The following ITFG1 variants were observed in gnomAD, a reference collection of about 807,000 sequenced individuals.
The protein encoded by ITFG1 is integrin alpha FG-GAP repeat containing 1, also known as T-cell immunomodulatory protein.
In ITFG1, 34 loss-of-function variants were observed where a neutral mutation model predicts 81.8. That is an observed-to-expected ratio of 0.42 (90% CI 0.32 to 0.55). ITFG1 has a LOEUF of 0.55. Among genes scored for constraint, ITFG1 ranks in the 20% least tolerant of loss-of-function variants. ITFG1 has a pLI of 0.17. For missense variants in ITFG1, 672 were observed against 755.4 expected (o/e 0.89, Z 1.29); for synonymous variants, 285 against 270.6 (o/e 1.05, Z -0.52).
chr16:47,242,533 T>A lies in ITFG1; in HGVS notation c.1331-4525A>T, dbSNP rs375991087. Among the ~76,000 whole-genome samples, 165 of 152,182 alleles carry A rather than the reference T, an allele frequency of 1.1e-3. 7 individuals carry two copies. The South Asian group carries it at 0.033, about 30-fold the overall frequency. On this transcript the variant is annotated intron_variant, in intron 12 of 17. Transcript: ENST00000320640. ...TTAGAAAATAAGAAAGGACAAGGAC[T>A]ATAGATAGAAATAAAGATACAAATG...
At position 47,238,874 on chromosome 16, in the gene ITFG1, G is replaced by T. The variant is rs900650323; in HGVS notation, c.1331-866C>A. On this transcript the variant is annotated intron_variant, in intron 12 of 17. Coordinates refer to ENST00000320640, the MANE Select transcript of ITFG1 (RefSeq NM_030790.5). ...AATATAAATGTTTGACTTAGGCAGGGTGTAATGATTTGAATGTTGCTATCC... is the reference window on the plus strand; with the variant it reads ...AATATAAATGTTTGACTTAGGCAGGTTGTAATGATTTGAATGTTGCTATCC... 5.9e-5 allele frequency among the ~76,000 whole-genome samples: 9 copies of T among 152,146 alleles called. No individual in the cohort carries two copies. The East Asian group carries it at 1.5e-3, about 26-fold the overall frequency.
chr16:47,328,377 C>T (rs1041988877), intron 8 of ITFG1, among the ~76,000 whole-genome samples: 5 of 151,780 alleles, frequency 3.3e-5, no homozygotes, highest in Admixed American at 1.3e-4. Flanking sequence ...TGCTAAGTGA[C>T]GAATTAATGG....
At chr16:47,224,059 CTG>C (rs1184572997) in intron 13 of ITFG1, among the ~76,000 whole-genome samples, 1 of 98,730 alleles carries the variant, frequency 1.0e-5, no homozygotes, top group East Asian at 2.8e-4. Context: ...ACTCTGGGGA[CTG>C]TTGTGGGGTG....
At chr16:47,359,642 C>A (rs1411078973) in intron 8 of ITFG1, among the ~76,000 whole-genome samples, 1 of 152,138 alleles carries the variant, frequency 6.6e-6, no homozygotes, top group East Asian at 1.9e-4. Flanking sequence ...TACCTTTGTC[C>A]ACAAAGCACT....
At position 47,333,779 on chromosome 16, in the gene ITFG1, A is replaced by G. The variant is rs144973174; in HGVS notation, c.803-19956T>C. ...ATAAGACCCGTTTCGTGCTTTAAGG[A>G]ACTGCTCTTTTTACCTTGCTCTTCA... On this transcript the variant is annotated intron_variant, in intron 8 of 17. Transcript: ENST00000320640. Among the ~76,000 whole-genome samples, 375 of 152,334 alleles carry G rather than the reference A, an allele frequency of 2.5e-3. 2 individuals carry two copies. Among genetic ancestry groups the G allele is most frequent in the African/African-American group, 8.2e-3 (342 of 41,574 alleles).
rs1245575502 is a variant in ITFG1 at position 47,451,400 on chromosome 16, C to T, written c.556G>A (p.Gly186Arg). ...GTTATAACCATATTTACTCACCCTC[C>T]TAATAGTATCTGTGGCTGGTTGGAT... ...NESNQPQILL[G>R]GNLSWHPALT... is the part of the protein sequence containing the mutation. The change falls in exon 5 of 18, where the codon GGA (glycine) becomes AGA (arginine). Residue 186 changes from glycine (G) to arginine (R), a missense_variant. Gly to Arg is a moderately radical substitution (Grantham distance 125). Around this residue, in one of 3 missense-constraint regions of ITFG1, gnomAD observed 560 missense variants for 625.7 expected, o/e 0.90. Coordinates refer to ENST00000320640, the MANE Select transcript of ITFG1 (RefSeq NM_030790.5). 15 of 1,531,416 alleles carry T rather than the reference C, an allele frequency of 9.8e-6. No homozygotes were observed. The highest frequency in any genetic ancestry group is 1.4e-5 in the Non-Finnish European group (15 of 1,106,076). 94.9% of individuals were successfully genotyped at this position (1,531,416 alleles called of 1,614,324 possible).
intron 6 of ITFG1, among the ~76,000 whole-genome samples, chr16:47,378,537 C>G (rs137950203): frequency 4.0e-4 from 61 of 152,290 alleles, no homozygotes; most frequent in African/African-American, 1.3e-3. Flanking sequence ...ATGCCCTCTT[C>G]TTTCATGCAT....
At chr16:47,272,293 C>T (rs987804212) in intron 10 of ITFG1, among the ~76,000 whole-genome samples, 1 of 152,080 alleles carries the variant, frequency 6.6e-6, no homozygotes, top group Non-Finnish European at 1.5e-5. Flanking sequence ...TGGCAGTGGA[C>T]GAAGTCGTAG....
chr16:47,187,967 C>T (rs1161754448), intron 14 of ITFG1, among the ~76,000 whole-genome samples: 2 of 152,064 alleles, frequency 1.3e-5, no homozygotes, highest in Non-Finnish European at 2.9e-5. Flanking sequence ...TGAACAGACA[C>T]TTCTCAAAAG....
intron 12 of ITFG1, among the ~76,000 whole-genome samples, chr16:47,251,007 G>C (rs567141711): frequency 6.6e-6 from 1 of 152,318 alleles, no homozygotes. Context: ...TGGGGGATTT[G>C]CTGGTGCTTC....
chr16:47,359,309 C>T (rs1022891778), intron 8 of ITFG1, among the ~76,000 whole-genome samples: 1 of 152,172 alleles, frequency 6.6e-6, no homozygotes, highest in Non-Finnish European at 1.5e-5. Context: ...TGTCTTCTAA[C>T]AGACATCTCA....
At chr16:47,380,321 C>G (rs181742323) in intron 6 of ITFG1, among the ~76,000 whole-genome samples, 80 of 152,336 alleles carry the variant, frequency 5.3e-4, no homozygotes, top group African/African-American at 1.9e-3. Flanking sequence ...CTGTTAACAG[C>G]TAGTCTCCTT....
chr16:47,286,370 T>C (rs1407561535), intron 10 of ITFG1, among the ~76,000 whole-genome samples: 2 of 152,056 alleles, frequency 1.3e-5, no homozygotes, highest in African/African-American at 2.4e-5. Context: ...CTGGGCGCGG[T>C]GGCTCACACC....
chr16:47,455,825 T>C (rs139711326), intron 2 of ITFG1, among the ~76,000 whole-genome samples: 1 of 147,544 alleles, frequency 6.8e-6, no homozygotes, highest in African/African-American at 2.5e-5. Flanking sequence ...AAGAGAAAGT[T>C]GAGAAAACCT....
At chr16:47,236,889 A>G (rs939090787) in intron 13 of ITFG1, among the ~76,000 whole-genome samples, 8 of 152,246 alleles carry the variant, frequency 5.3e-5, no homozygotes, top group African/African-American at 1.9e-4. Flanking sequence ...AACAGCTCAC[A>G]GCAGGGTTCC....
chr16:47,225,669 C>A (rs1965748107), intron 13 of ITFG1, among the ~76,000 whole-genome samples: 1 of 152,158 alleles, frequency 6.6e-6, no homozygotes, highest in Non-Finnish European at 1.5e-5. Flanking sequence ...AAGAAAAAGA[C>A]TGTCAGCCAA....
chr16:47,221,864 A>T (rs1965696032), intron 13 of ITFG1, among the ~76,000 whole-genome samples: 1 of 152,062 alleles, frequency 6.6e-6, no homozygotes, highest in Non-Finnish European at 1.5e-5. Flanking sequence ...TTTCTAGTTT[A>T]TTTGCGTAGA....
intron 10 of ITFG1, among the ~76,000 whole-genome samples, chr16:47,280,037 C>T (rs1966435921): frequency 6.6e-6 from 1 of 152,004 alleles, no homozygotes; most frequent in African/African-American, 2.4e-5. Context: ...AAATTTTCTA[C>T]ACCAACAATC....
At chr16:47,304,240 G>A (rs577588451) in intron 10 of ITFG1, among the ~76,000 whole-genome samples, 1 of 152,250 alleles carries the variant, frequency 6.6e-6, no homozygotes, top group African/African-American at 2.4e-5. Context: ...TGCCAGTCTA[G>A]CTTAATTACA....
Sources: allele counts gnomAD v4.1 joint callset (sites outside exome capture counted in the v4.1 genomes callset), GRCh38; gene constraint gnomAD v4.1.1; regional missense constraint gnomAD v4.1.1; transcripts MANE v1.5; gene names NCBI Gene and HGNC (gene_info 2026-07-23, HGNC 2026-07-21).